FYN: variants seen among roughly 807,000 people sequenced by gnomAD.
FYN encodes FYN proto-oncogene, Src family tyrosine kinase.
In FYN, 10 loss-of-function variants were observed where a neutral mutation model predicts 70.2. That is an observed-to-expected ratio of 0.14 (90% CI 0.09 to 0.24). The LOEUF (loss-of-function observed/expected upper bound fraction) is 0.24. Among genes scored for constraint, FYN ranks in the 10% least tolerant of loss-of-function variants. The pLI is 1.00. For missense variants in FYN, 319 were observed against 673.1 expected, an observed-to-expected ratio of 0.47 and a Z score of 5.82; for synonymous variants, 236 against 248.6, an observed-to-expected ratio of 0.95 and a Z score of 0.48.
chr6:111,770,593 T>C (rs777980942), intron 3 of FYN, among the ~76,000 whole-genome samples: 26 of 152,216 alleles, frequency 1.7e-4, no homozygotes, highest in Non-Finnish European at 3.5e-4. Context: ...TCCTAGTTTA[T>C]TTTGTGTTCT....
At chr6:111,719,542 G>C (rs925064890) in intron 4 of FYN, 3 of 360,206 alleles carry the variant, frequency 8.3e-6, no homozygotes, top group Non-Finnish European at 1.5e-5. Flanking sequence ...CAGTGCCTCA[G>C]TAGAATGTTG....
intron 2 of FYN, among the ~76,000 whole-genome samples, chr6:111,813,353 C>T (rs974378643): frequency 5.3e-5 from 8 of 152,094 alleles, no homozygotes; most frequent in African/African-American, 1.9e-4. Context: ...GAAGACTCTA[C>T]AAAACACAGC....
intron 12 of FYN, among the ~76,000 whole-genome samples, chr6:111,679,514 TA>T (rs1330642607): frequency 6.6e-6 from 1 of 152,190 alleles, no homozygotes; most frequent in Admixed American, 6.5e-5. Flanking sequence ...AAGCACTTGA[TA>T]AACAGGTGCT....
intron 3 of FYN, among the ~76,000 whole-genome samples, chr6:111,723,760 G>C (rs1425054331): frequency 6.6e-6 from 1 of 152,212 alleles, no homozygotes; most frequent in African/African-American, 2.4e-5. Flanking sequence ...TTATTATGCA[G>C]AGTTATGTGC....
At chr6:111,810,170 G>A (rs533296794) in intron 2 of FYN, among the ~76,000 whole-genome samples, 3 of 152,260 alleles carry the variant, frequency 2.0e-5, no homozygotes, top group Non-Finnish European at 2.9e-5. Flanking sequence ...AAGGATTAAG[G>A]TTTAAAGATT....
intron 5 of FYN, 24 bp downstream of exon 5, chr6:111,714,323 C>T (rs953330336): frequency 1.3e-6 from 2 of 1,522,770 alleles, no homozygotes; most frequent in African/African-American, 1.4e-5. Context: ...GGTATACATG[C>T]TTCTCCTCCC....
At chr6:111,711,271 T>C (rs932149902) in intron 5 of FYN, among the ~76,000 whole-genome samples, 1 of 150,758 alleles carries the variant, frequency 6.6e-6, no homozygotes, top group Non-Finnish European at 1.5e-5. Context: ...TTTATCACAA[T>C]AGGAAAAAAA....
chr6:111,719,200 A>G (rs1474442625), intron 4 of FYN, among the ~76,000 whole-genome samples: 2 of 152,184 alleles, frequency 1.3e-5, no homozygotes, highest in Non-Finnish European at 2.9e-5. Flanking sequence ...ATATTTCGGA[A>G]AACATATGTC....
intron 12 of FYN, among the ~76,000 whole-genome samples, chr6:111,691,322 G>A (rs1381177542): frequency 1.3e-5 from 2 of 152,278 alleles, no homozygotes; most frequent in East Asian, 1.9e-4. Flanking sequence ...TTCCGTGCAC[G>A]CTGAGATGGG....
chr6:111,830,770 G>T (rs535324125), intron 2 of FYN, among the ~76,000 whole-genome samples: 1 of 152,128 alleles, frequency 6.6e-6, no homozygotes, highest in Non-Finnish European at 1.5e-5. Flanking sequence ...AGTAACTGAG[G>T]ATATAAGGGG....
chr6:111,662,384 A>G (rs1797785625), intron 13 of FYN, among the ~76,000 whole-genome samples: 1 of 152,204 alleles, frequency 6.6e-6, no homozygotes, highest in African/African-American at 2.4e-5. Flanking sequence ...GCCAGACAGT[A>G]AATATTTTTG....
chr6:111,780,874 C>T (rs562013312), intron 2 of FYN, among the ~76,000 whole-genome samples: 1 of 152,158 alleles, frequency 6.6e-6, no homozygotes, highest in African/African-American at 2.4e-5. Flanking sequence ...ATACCAGAAA[C>T]TATGCTTATA....
chr6:111,868,358 C>T (rs539245023), intron 1 of FYN, among the ~76,000 whole-genome samples: 5 of 152,268 alleles, frequency 3.3e-5, no homozygotes, highest in Non-Finnish European at 7.3e-5. Context: ...AGTATGTAGA[C>T]AATTCATAAA....
At chr6:111,840,690 G>T (rs1417737719) in intron 2 of FYN, among the ~76,000 whole-genome samples, 4 of 152,186 alleles carry the variant, frequency 2.6e-5, no homozygotes, top group African/African-American at 9.7e-5. Flanking sequence ...AAATTTTTAT[G>T]TATTTTTATG....
rs140234659 is a variant in FYN at position 111,766,691 on chromosome 6, C to T, written c.-12+13875G>A. ...ACGTGATGGCAGGAAGGAGAATTGC[C>T]AAGCAAAGAGGGAAAAGCCCCTTAT... On this transcript the variant is annotated intron_variant, in intron 3 of 13. Transcript: ENST00000354650. Among the ~76,000 whole-genome samples the T allele has an allele frequency of 3.2e-3, 480 of 152,204 alleles. 5 individuals are homozygous for T. The highest frequency in any genetic ancestry group is 0.011 in the African/African-American group (444 of 41,518).
chr6:111,785,608 A>G (rs1373144548), intron 2 of FYN, among the ~76,000 whole-genome samples: 2 of 152,178 alleles, frequency 1.3e-5, no homozygotes, highest in Admixed American at 6.5e-5. Flanking sequence ...CATCAAGGCC[A>G]AGAGACTTGC....
chr6:111,679,473 C>T (rs1798691695), intron 12 of FYN, among the ~76,000 whole-genome samples: 1 of 152,190 alleles, frequency 6.6e-6, no homozygotes. Context: ...GGCCACATCT[C>T]CAGTACTGAG....
At chr6:111,781,780 G>C (rs2128507205) in intron 2 of FYN, among the ~76,000 whole-genome samples, 1 of 152,270 alleles carries the variant, frequency 6.6e-6, no homozygotes, top group East Asian at 1.9e-4. Context: ...ATGCACAGGA[G>C]TCAAACAGAG....
intron 1 of FYN, among the ~76,000 whole-genome samples, chr6:111,853,941 G>T (rs879362874): frequency 3.3e-5 from 5 of 152,180 alleles, no homozygotes; most frequent in Non-Finnish European, 5.9e-5. Context: ...GACTAGAGAA[G>T]GGCAGAGTCC....
Sources: gnomAD v4.1 joint callset for allele counts (sites outside exome capture counted in the v4.1 genomes callset) on GRCh38, gnomAD v4.1.1 for gene constraint, MANE v1.5 for transcripts, NCBI Gene and HGNC (gene_info 2026-07-23, HGNC 2026-07-21) for gene names.